LHFPL6: variants seen among roughly 807,000 people sequenced by gnomAD.
LHFPL6 encodes LHFPL tetraspan subfamily member 6, also known as LHFPL tetraspan subfamily member 6 protein.
In LHFPL6, 9 loss-of-function variants were observed where a neutral mutation model predicts 20.6. The observed-to-expected ratio is 0.44, with a 90% CI of 0.26 to 0.76. LHFPL6 has a LOEUF of 0.76. Ranked by LOEUF, LHFPL6 falls within the 30% of genes least tolerant of loss-of-function variation. The pLI is 0.20. For synonymous variants in LHFPL6, 105 were observed against 98.7 expected (o/e 1.06, Z -0.38); for missense variants, 218 against 253.5 (o/e 0.86, Z 0.95).
chr13:39,492,497 T>TC (rs1868959084), intron 2 of LHFPL6, among the ~76,000 whole-genome samples: 2 of 152,148 alleles, frequency 1.3e-5, no homozygotes, highest in African/African-American at 4.8e-5. Flanking sequence ...TTGGAATGTA[T>TC]TCAAATAAAA....
rs535920238 is a variant in LHFPL6, at chr13:39,477,035, A to G, written c.386-98509T>C. ...TAAAACAGAGGTTTTGACATTTTATAAATTCAAACTCACTGTCCTTCACTC... is the reference window on the plus strand; with the variant it reads ...TAAAACAGAGGTTTTGACATTTTATGAATTCAAACTCACTGTCCTTCACTC... On this transcript the variant is annotated intron_variant, in intron 2 of 3. Transcript: ENST00000379589. Among the ~76,000 whole-genome samples the G allele has an allele frequency of 3.3e-5, 5 of 152,318 alleles. No individual in the cohort carries two copies. In the East Asian group the frequency reaches 7.7e-4, roughly 24 times the overall value.
rs776843003 is a variant in LHFPL6, at chr13:39,369,567, T to TTTCCTTCC, written c.484+8853_484+8860dup. The stretch of plus-strand genomic sequence containing the variant: ...TCTGTGATCAAAAATTCATAGTAGG[T>TTTCCTTCC]TTCCTTCCTTCCTTCCTTCCTTCCT... On this transcript the variant is annotated intron_variant, in intron 3 of 3. Transcript: ENST00000379589. Among the ~76,000 whole-genome samples the TTTCCTTCC allele has an allele frequency of 1.7e-3, 46 of 27,860 alleles. 4 individuals are homozygous for TTTCCTTCC. Among genetic ancestry groups the TTTCCTTCC allele is most frequent in the Non-Finnish European group, 2.1e-3 (24 of 11,520 alleles). 18.3% of individuals were successfully genotyped at this position (27,860 alleles called of 152,430 possible).
chr13:39,498,065 G>A (rs145028567), intron 2 of LHFPL6, among the ~76,000 whole-genome samples: 5 of 152,096 alleles, frequency 3.3e-5, no homozygotes, highest in South Asian at 2.1e-4. Context: ...AAAAACCATC[G>A]AACATTTCCA....
chr13:39,392,974 C>T (rs1870748682), intron 2 of LHFPL6, among the ~76,000 whole-genome samples: 1 of 152,082 alleles, frequency 6.6e-6, no homozygotes, highest in Admixed American at 6.5e-5. Context: ...TTATTATTCC[C>T]TAAACAATAT....
At chr13:39,435,880 C>G (rs1014281313) in intron 2 of LHFPL6, among the ~76,000 whole-genome samples, 6 of 152,058 alleles carry the variant, frequency 3.9e-5, no homozygotes, top group African/African-American at 1.4e-4. Context: ...CATATGAGAA[C>G]TTATTAACTA....
chr13:39,598,212 A>G (rs1358154265), intron 2 of LHFPL6, among the ~76,000 whole-genome samples: 2 of 152,320 alleles, frequency 1.3e-5, no homozygotes, highest in South Asian at 2.1e-4. Flanking sequence ...AAAATTACTT[A>G]CTGCATAAGT....
Position 39,357,210 on chromosome 13 carries a change from T to C in LHFPL6, c.485-13156A>G, listed in dbSNP as rs1869749168. Among the ~76,000 whole-genome samples the C allele has an allele frequency of 2.0e-5, 3 of 151,744 alleles. 1 individual carries two copies. In the South Asian group the frequency reaches 6.2e-4, roughly 32 times the overall value. On this transcript the variant is annotated intron_variant, in intron 3 of 3. Transcript: ENST00000379589. ...ATAAAACAAAACAAAACAAAAAAAG[T>C]AAAAAGCTACCAATCAAAAAAGCCT...
At chr13:39,437,540 G>C (rs913884071) in intron 2 of LHFPL6, among the ~76,000 whole-genome samples, 1 of 152,162 alleles carries the variant, frequency 6.6e-6, no homozygotes, top group African/African-American at 2.4e-5. Flanking sequence ...ACAACCTGAA[G>C]AACCACGAAC....
At chr13:39,508,026 C>CT (rs796622913) in intron 2 of LHFPL6, among the ~76,000 whole-genome samples, 3,083 of 132,754 alleles carry the variant, frequency 0.023, 110 homozygotes, top group African/African-American at 0.077. Flanking sequence ...TTGTAATTTA[C>CT]TTTTTTTTTT....
chr13:39,399,832 G>A (rs922756269), intron 2 of LHFPL6, among the ~76,000 whole-genome samples: 10 of 152,144 alleles, frequency 6.6e-5, no homozygotes, highest in African/African-American at 1.9e-4. Context: ...AGTGGCTCAC[G>A]CCTGTAATCC....
chr13:39,515,214 G>A (rs1317807937), intron 2 of LHFPL6, among the ~76,000 whole-genome samples: 7 of 152,212 alleles, frequency 4.6e-5, no homozygotes. Flanking sequence ...CACTCACAAA[G>A]CAATCCAAGC....
At chr13:39,524,318 G>T in intron 2 of LHFPL6, among the ~76,000 whole-genome samples, 1 of 147,550 alleles carries the variant, frequency 6.8e-6, no homozygotes, top group Non-Finnish European at 1.5e-5. Flanking sequence ...TTAGGAAAGA[G>T]GTGACTCACT....
chr13:39,564,340 C>A (rs896689417), intron 2 of LHFPL6, among the ~76,000 whole-genome samples: 2 of 152,042 alleles, frequency 1.3e-5, no homozygotes, highest in Admixed American at 6.6e-5. Flanking sequence ...CCACTAGAGG[C>A]AATAAAGAAT....
At chr13:39,489,126 A>C (rs370161278) in intron 2 of LHFPL6, among the ~76,000 whole-genome samples, 2 of 152,286 alleles carry the variant, frequency 1.3e-5, no homozygotes, top group South Asian at 2.1e-4. Context: ...TTTGACACAC[A>C]GTTTTGTGGC....
At chr13:39,587,548 GAC>G (rs1036922672) in intron 2 of LHFPL6, among the ~76,000 whole-genome samples, 10 of 152,050 alleles carry the variant, frequency 6.6e-5, no homozygotes, top group Non-Finnish European at 1.5e-4. Flanking sequence ...TTCATAGCAA[GAC>G]ACAATCCTCC....
intron 2 of LHFPL6, among the ~76,000 whole-genome samples, chr13:39,399,291 G>T (rs1022249530): frequency 1.3e-5 from 2 of 152,144 alleles, no homozygotes; most frequent in African/African-American, 4.8e-5. Context: ...ACAGTCTAAA[G>T]TGGTTTTACA....
At chr13:39,445,574 G>A (rs903132178) in intron 2 of LHFPL6, among the ~76,000 whole-genome samples, 3 of 152,158 alleles carry the variant, frequency 2.0e-5, no homozygotes, top group Middle Eastern at 3.2e-3. Context: ...GGTATTAAAA[G>A]AAACAAATTC....
chr13:39,515,133 T>C (rs551935761), intron 2 of LHFPL6, among the ~76,000 whole-genome samples: 6 of 152,350 alleles, frequency 3.9e-5, no homozygotes, highest in Non-Finnish European at 5.9e-5. Flanking sequence ...CCACTTCACC[T>C]GGCAAAGAAC....
At chr13:39,477,080 T>C (rs991464933) in intron 2 of LHFPL6, among the ~76,000 whole-genome samples, 3 of 152,328 alleles carry the variant, frequency 2.0e-5, no homozygotes, top group African/African-American at 4.8e-5. Context: ...CATTCTGTGA[T>C]TTCTGAACCT....
Sources: gnomAD v4.1 joint callset for allele counts (sites outside exome capture counted in the v4.1 genomes callset) on GRCh38, gnomAD v4.1.1 for gene constraint, MANE v1.5 for transcripts, NCBI Gene and HGNC (gene_info 2026-07-23, HGNC 2026-07-21) for gene names.